RAD17: variants seen among roughly 807,000 people sequenced by gnomAD.
RAD17 encodes cell cycle checkpoint protein RAD17.
In RAD17, 31 loss-of-function variants were observed where a neutral mutation model predicts 81.5. The ratio of observed to expected loss-of-function variants is 0.38; its 90% CI spans 0.29 to 0.51. The LOEUF is 0.51. RAD17 is among the 20% of genes least tolerant of loss of function. The pLI, the probability that RAD17 is intolerant of heterozygous loss-of-function variation, is 0.88. For synonymous variants in RAD17, 261 were observed against 266.2 expected, an observed-to-expected ratio of 0.98 and a Z score of 0.19; for missense variants, 681 against 781.2, an observed-to-expected ratio of 0.87 and a Z score of 1.53.
At chr5:69,389,837 T>C (rs1009928821) in intron 12 of RAD17, among the ~76,000 whole-genome samples, 10 of 152,092 alleles carry the variant, frequency 6.6e-5, no homozygotes, top group African/African-American at 2.2e-4. Flanking sequence ...GGGGTTTCAC[T>C]GTCTTAGCCA....
Position 69,389,041 on chromosome 5 carries a change from GA to G in RAD17, c.907del (p.Ile303LeufsTer9). 2.0e-6 allele frequency: 3 copies of G among 1,473,088 alleles called. No individual in the cohort carries two copies. The highest frequency in any genetic ancestry group is 1.4e-5 in the South Asian group (1 of 69,766). The allele number at this position is 1,473,088 out of a possible 1,614,324, so 91.3% of individuals were successfully genotyped here. ...TTAATTTTCTTATTTTAGAATGGAG[GA>G]AAAATTACTGTCCCTGACAAAACTT... ...IVTIEANKNG[G>X]KITVPDKTSL... On this transcript the variant is annotated frameshift_variant, in exon 12 of 19. Transcript: ENST00000354868. LOFTEE classifies it high-confidence loss of function.
chr5:69,411,534 G>A (rs1766000073), intron 18 of RAD17, among the ~76,000 whole-genome samples: 1 of 152,162 alleles, frequency 6.6e-6, no homozygotes, highest in South Asian at 2.1e-4. Context: ...AAACTCCTGT[G>A]ATGTGAGCTT....
chr5:69,387,168 C>T (rs935166383), intron 11 of RAD17, among the ~76,000 whole-genome samples: 1 of 152,060 alleles, frequency 6.6e-6, no homozygotes, highest in African/African-American at 2.4e-5. Context: ...AAGTGATCCT[C>T]CCTCCTCGGC....
In RAD17 at chr5:69,414,272, T is replaced by C. The variant is rs1322078046; in HGVS notation, c.1993T>C (p.Tyr665His). Reference protein sequence around the residue: ...DMEENIIIEDYESDGT With the variant: ...DMEENIIIEDHESDGT ...GGAAGAAAACATAATAATAGAAGAC[T>C]ACGAGAGTGATGGGACATAGAAGCC... The change falls in exon 19 of 19, where the codon TAC (tyrosine) becomes CAC (histidine). Residue 665 changes from tyrosine to histidine, a missense_variant. By Grantham distance (83) the Tyr-to-His change is moderately conservative. Transcript: ENST00000354868. The C allele has an allele frequency of 1.9e-6, 3 of 1,613,952 alleles. No individual in the cohort carries two copies. The highest frequency in any genetic ancestry group is 2.5e-6 in the Non-Finnish European group (3 of 1,179,944).
At chr5:69,389,679 C>T (rs962879242) in intron 12 of RAD17, among the ~76,000 whole-genome samples, 2 of 152,144 alleles carry the variant, frequency 1.3e-5, no homozygotes, top group African/African-American at 4.8e-5. Context: ...CTCGCTCTGC[C>T]GCCCGGGCTG....
chr5:69,369,523 T>C (rs546624410), upstream of RAD17: 14 of 1,610,948 alleles, frequency 8.7e-6, no homozygotes, highest in Non-Finnish European at 1.2e-5. Context: ...GGCGCCTCGC[T>C]CACGTGCCCT....
chr5:69,396,312 C>T (rs1241121166), intron 15 of RAD17, 85 bp from the exon 16 acceptor site: 27 of 1,388,856 alleles, frequency 1.9e-5, no homozygotes, highest in East Asian at 2.5e-5. Context: ...AAACTAAATA[C>T]GGTTAGTATT....
intron 7 of RAD17, among the ~76,000 whole-genome samples, chr5:69,382,480 G>T (rs1038375266): frequency 6.6e-6 from 1 of 152,114 alleles, no homozygotes; most frequent in Non-Finnish European, 1.5e-5. Flanking sequence ...TCAGGAGAAG[G>T]AAAGAAAGCA....
intron 17 of RAD17, among the ~76,000 whole-genome samples, chr5:69,403,650 C>T (rs1765412266): frequency 6.6e-6 from 1 of 152,148 alleles, no homozygotes; most frequent in Non-Finnish European, 1.5e-5. Flanking sequence ...CCAGGCATGG[C>T]GGCTCATGCC....
chr5:69,392,024 T>C lies in RAD17; in HGVS notation c.1189+11T>C. ...TTCTATATTGTAAAAGTAAGAAATT[T>C]TTACACTTTTAAAATCTGTTGGATA... On this transcript the variant is annotated intron_variant, in intron 13 of 18. Coordinates refer to ENST00000354868, the MANE Select transcript of RAD17 (RefSeq NM_133338.3). 1 of 1,498,318 alleles carries C rather than the reference T, an allele frequency of 6.7e-7. No homozygotes were observed. The highest frequency in any genetic ancestry group is 8.9e-7 in the Non-Finnish European group (1 of 1,122,626). The allele number at this position is 1,498,318 out of a possible 1,614,324, so 92.8% of individuals were successfully genotyped here.
In RAD17 at chr5:69,400,072, A is replaced by G; in HGVS notation, c.1596A>G (p.Ala532=). The change falls in exon 17 of 19, where the codon GCA becomes GCG. Residue 532 remains alanine, a synonymous_variant. Coordinates refer to ENST00000354868, the MANE Select transcript of RAD17 (RefSeq NM_133338.3). ...AGTATCGGGAAAATTGCCTGGCAGC[A>G]AAAGCACTTTTTCCTGACTTCTGCC... ...NKKYRENCLA[A]KALFPDFCLP... 1 of 1,599,424 alleles carries G rather than the reference A, an allele frequency of 6.3e-7. No homozygotes were observed. Among genetic ancestry groups the G allele is most frequent in the Non-Finnish European group, 8.5e-7 (1 of 1,173,744 alleles).
intron 4 of RAD17, among the ~76,000 whole-genome samples, chr5:69,373,342 G>C (rs1283751205): frequency 6.6e-6 from 1 of 152,134 alleles, no homozygotes; most frequent in Admixed American, 6.6e-5. Flanking sequence ...GTATGCACTT[G>C]CACTTACTGT....
At chr5:69,397,609 G>GA (rs1764977929) in intron 16 of RAD17, among the ~76,000 whole-genome samples, 1 of 151,942 alleles carries the variant, frequency 6.6e-6, no homozygotes, top group Non-Finnish European at 1.5e-5. Flanking sequence ...ACAAGAAAAA[G>GA]AAAAAAATTG....
chr5:69,393,630 A>G (rs1023699557), intron 15 of RAD17, 130 bp downstream of exon 15: 1 of 821,798 alleles, frequency 1.2e-6, no homozygotes, highest in African/African-American at 1.8e-5. Context: ...TGCTAAAGTT[A>G]ATGTAACCAA....
chr5:69,412,262 G>A (rs1447382373), intron 18 of RAD17, among the ~76,000 whole-genome samples: 1 of 151,980 alleles, frequency 6.6e-6, no homozygotes, highest in Admixed American at 6.6e-5. Context: ...GGCCACGAGA[G>A]GCAGTATTTT....
chr5:69,402,772 TTCTC>T (rs1010193128), intron 17 of RAD17, among the ~76,000 whole-genome samples: 6 of 152,238 alleles, frequency 3.9e-5, no homozygotes, highest in African/African-American at 1.4e-4. Flanking sequence ...CCTGATTATA[TTCTC>T]TCTCTTTATA....
intron 17 of RAD17, among the ~76,000 whole-genome samples, chr5:69,406,314 C>T (rs1031999384): frequency 4.6e-5 from 7 of 152,046 alleles, no homozygotes; most frequent in African/African-American, 1.7e-4. Context: ...TGCATATTCT[C>T]ACTTATATAG....
chr5:69,374,628 C>T lies in RAD17; in HGVS notation c.268C>T (p.His90Tyr), dbSNP rs572340575. 1.9e-6 allele frequency: 3 copies of T among 1,602,650 alleles called. No homozygotes were observed. Among genetic ancestry groups the T allele is most frequent in the Non-Finnish European group, 2.5e-6 (3 of 1,176,656 alleles). ...TTTAAATTTGAAATTTTTGTTGTAG[C>T]ATGAACTTGCTGTGCATAAAAAGAA... ...WVDKYKPETQ[H>Y]ELAVHKKKIE... is the part of the protein sequence containing the mutation. Residue 90 changes from histidine to tyrosine, a missense_variant and splice_region_variant, in exon 6 of 19, where the codon CAT becomes TAT. Physicochemically the swap from His to Tyr is moderately conservative, Grantham distance 83 (BLOSUM62 2). Transcript: ENST00000354868.
intron 6 of RAD17, among the ~76,000 whole-genome samples, chr5:69,380,837 C>A (rs1480175562): frequency 2.0e-5 from 3 of 151,090 alleles, no homozygotes; most frequent in African/African-American, 7.3e-5. Context: ...GCAATCTTGG[C>A]TCATTGCAGC....
Sources: gnomAD v4.1 joint callset for allele counts (sites outside exome capture counted in the v4.1 genomes callset) on GRCh38, gnomAD v4.1.1 for gene constraint, MANE v1.5 for transcripts, NCBI Gene and HGNC (gene_info 2026-07-23, HGNC 2026-07-21) for gene names.